DGCR2: variants seen among roughly 807,000 people sequenced by gnomAD.
The protein encoded by DGCR2 is integral membrane protein DGCR2/IDD.
Under a neutral mutation model 51.6 loss-of-function variants are expected in DGCR2, and 24 were observed. The ratio of observed to expected loss-of-function variants is 0.47; its 90% CI spans 0.34 to 0.65. DGCR2 has a LOEUF of 0.65. DGCR2 is among the 30% of genes least tolerant of loss of function. The pLI, the probability that DGCR2 is intolerant of heterozygous loss-of-function variation, is 0.01. For missense variants in DGCR2, 765 were observed against 772.1 expected (o/e 0.99, Z 0.11); for synonymous variants, 340 against 315.4 (o/e 1.08, Z -0.82).
At chr22:19,096,202 T>C (rs1199555682) in intron 1 of DGCR2, among the ~76,000 whole-genome samples, 1 of 152,188 alleles carries the variant, frequency 6.6e-6, no homozygotes, top group Non-Finnish European at 1.5e-5. Context: ...AAATGGAACA[T>C]GAATGGAACT....
At chr22:19,081,336 T>C (rs1361206686) in intron 2 of DGCR2, among the ~76,000 whole-genome samples, 1 of 152,256 alleles carries the variant, frequency 6.6e-6, no homozygotes. Context: ...TTTTTTCTTT[T>C]AGTTTACCAC....
chr22:19,056,619 A>G (rs1318137360), intron 6 of DGCR2: 6 of 381,700 alleles, frequency 1.6e-5, no homozygotes, highest in Non-Finnish European at 4.7e-6. Flanking sequence ...AAGCAGAGAG[A>G]AGGATGGCAG....
chr22:19,113,978 G>C (rs934578655), intron 1 of DGCR2, among the ~76,000 whole-genome samples: 1 of 148,202 alleles, frequency 6.7e-6, no homozygotes, highest in Non-Finnish European at 1.5e-5. Context: ...ATAATCACTT[G>C]AACCCAGGAA....
rs11471797 is a variant in DGCR2, at chr22:19,062,779, A to ACTCTCTCTCTCTCTCT, written c.625+407_625+422dup. On this transcript the variant is annotated intron_variant, in intron 5 of 9. Coordinates refer to ENST00000263196, the MANE Select transcript of DGCR2 (RefSeq NM_005137.3). The stretch of plus-strand genomic sequence containing the variant: ...TGCGCACACACACACATGCATGCTC[A>ACTCTCTCTCTCTCTCT]CTCTCTCTCTCTCTCTCTCTCTCTC... Among the ~76,000 whole-genome samples the ACTCTCTCTCTCTCTCT allele has an allele frequency of 3.1e-3, 397 of 127,404 alleles. 5 individuals are homozygous for ACTCTCTCTCTCTCTCT. The highest frequency in any genetic ancestry group is 8.6e-3 in the African/African-American group (319 of 37,256). The allele number at this position is 127,404 out of a possible 152,430, so 83.6% of individuals were successfully genotyped here.
intron 7 of DGCR2, among the ~76,000 whole-genome samples, chr22:19,042,247 T>C (rs765819313): frequency 7.9e-5 from 12 of 152,156 alleles, no homozygotes; most frequent in Non-Finnish European, 1.5e-4. Context: ...CAAACTAGGA[T>C]TTCCTGTCCT....
chr22:19,062,779 A>ATTCTCTCTCT, intron 5 of DGCR2, among the ~76,000 whole-genome samples: 1 of 127,354 alleles, frequency 7.9e-6, no homozygotes, highest in Admixed American at 7.8e-5. Context: ...ATGCATGCTC[A>ATTCTCTCTCT]CTCTCTCTCT....
At chr22:19,071,579 C>A (rs2082815792) in intron 2 of DGCR2, among the ~76,000 whole-genome samples, 4 of 152,134 alleles carry the variant, frequency 2.6e-5, no homozygotes, top group Admixed American at 2.6e-4. Context: ...TCAAATATGG[C>A]AATGTCATGA....
At chr22:19,079,378 G>C (rs972455390) in intron 2 of DGCR2, among the ~76,000 whole-genome samples, 10 of 152,136 alleles carry the variant, frequency 6.6e-5, no homozygotes, top group African/African-American at 1.9e-4. Flanking sequence ...TTTGAATGTG[G>C]CTTTTTCTTG....
At chr22:19,089,222 A>G in intron 2 of DGCR2, 146 bp downstream of exon 2, 1 of 939,974 alleles carries the variant, frequency 1.1e-6, no homozygotes, top group Non-Finnish European at 1.5e-6. Flanking sequence ...AAAGACAGAA[A>G]GACAGAGAGA....
At chr22:19,100,321 T>G (rs1010354331) in intron 1 of DGCR2, among the ~76,000 whole-genome samples, 3 of 152,078 alleles carry the variant, frequency 2.0e-5, no homozygotes, top group African/African-American at 7.2e-5. Flanking sequence ...TACAAGGTCC[T>G]GTCCCAGGCC....
chr22:19,063,021 G>C (rs753657692), intron 5 of DGCR2, among the ~76,000 whole-genome samples, 181 bp downstream of exon 5: 1 of 152,208 alleles, frequency 6.6e-6, no homozygotes, highest in East Asian at 1.9e-4. Context: ...CCCAATGCAG[G>C]GCCTGATCTG....
In DGCR2 at chr22:19,068,191, CT is replaced by C; in HGVS notation, c.236del (p.Lys79ArgfsTer22). ...VTGEVRPHHGKEAVDPRQGRA... is the reference protein window; with the variant it reads ...VTGEVRPHHGXEAVDPRQGRA... ...GCCCCTGCCGCGGATCCACAGCCTC[CT>C]TCCCATGATGAGGACGCACCTCCCC... is the stretch of plus-strand genomic sequence containing the variant. On this transcript the variant is annotated frameshift_variant, in exon 3 of 10. Transcript: ENST00000263196. LOFTEE classifies it high-confidence loss of function. The C allele has an allele frequency of 6.2e-7, 1 of 1,611,022 alleles. No homozygotes were observed.
chr22:19,084,252 C>T (rs978864495), intron 2 of DGCR2, among the ~76,000 whole-genome samples: 1 of 151,486 alleles, frequency 6.6e-6, no homozygotes, highest in Non-Finnish European at 1.5e-5. Flanking sequence ...TCTTCCCTGT[C>T]GCCATCCCAT....
At chr22:19,066,469 C>G (rs1259957257) in intron 3 of DGCR2, among the ~76,000 whole-genome samples, 1 of 152,176 alleles carries the variant, frequency 6.6e-6, no homozygotes, top group African/African-American at 2.4e-5. Flanking sequence ...AATGTCAAGG[C>G]ATCAGCTCTC....
At chr22:19,094,570 T>C (rs2083117376) in intron 1 of DGCR2, among the ~76,000 whole-genome samples, 1 of 152,242 alleles carries the variant, frequency 6.6e-6, no homozygotes, top group African/African-American at 2.4e-5. Context: ...TACAACTTCT[T>C]TGGAAAACAA....
In DGCR2 at chr22:19,089,517, T is replaced by C. The variant is rs201914113; in HGVS notation, c.80-27A>G. On this transcript the variant is annotated intron_variant, in intron 1 of 9. Coordinates refer to ENST00000263196, the MANE Select transcript of DGCR2 (RefSeq NM_005137.3). ...TGTGGGACCAAAGGGTGAGAGGCCA[T>C]TGAGGAAGTGGCAGTAGGCCAGCAA... is the stretch of plus-strand genomic sequence containing the variant. 6.1e-5 allele frequency: 92 copies of C among 1,513,244 alleles called. No individual in the cohort carries two copies. The East Asian group carries it at 1.6e-3, about 27-fold the overall frequency. The allele number at this position is 1,513,244 out of a possible 1,614,324, so 93.7% of individuals were successfully genotyped here. A position where few individuals can be genotyped will look rare whatever the true frequency, so the allele number is the denominator to read the frequency against.
chr22:19,097,339 A>G (rs2083153090), intron 1 of DGCR2, among the ~76,000 whole-genome samples: 1 of 152,134 alleles, frequency 6.6e-6, no homozygotes, highest in Non-Finnish European at 1.5e-5. Flanking sequence ...GTGGATCACA[A>G]GGTCAGGAGT....
intron 6 of DGCR2, 150 bp downstream of exon 6, chr22:19,056,836 T>C: frequency 3.5e-6 from 3 of 847,298 alleles, no homozygotes; most frequent in South Asian, 1.9e-5. Flanking sequence ...GAGCTGCAAA[T>C]GGGCCCCAAG....
Position 19,057,173 on chromosome 22 carries a change from G to T in DGCR2, c.626-11C>A, listed in dbSNP as rs1466306579. 1 of 1,592,464 alleles carries T rather than the reference G, an allele frequency of 6.3e-7. No individual in the cohort carries two copies. Among genetic ancestry groups the T allele is most frequent in the East Asian group, 2.3e-5 (1 of 44,354 alleles). ...ACACCTCTGAAGAGCCTGTTGGGGA[G>T]ACAAAAGGTGGGGCTGGACAACATC... On this transcript the variant is annotated splice_polypyrimidine_tract_variant and intron_variant, in intron 5 of 9. Coordinates refer to ENST00000263196, the MANE Select transcript of DGCR2 (RefSeq NM_005137.3). This position sits in a 1 kb window ranked among gnomAD's most constrained non-coding sequence, Gnocchi z 5.1.
Sources: allele counts gnomAD v4.1 joint callset (sites outside exome capture counted in the v4.1 genomes callset), GRCh38; gene constraint gnomAD v4.1.1; non-coding constraint Gnocchi (gnomAD v3.1); transcripts MANE v1.5; gene names NCBI Gene and HGNC (gene_info 2026-07-23, HGNC 2026-07-21).